The following SLC22A15 variants were observed in gnomAD, a reference collection of about 807,000 sequenced individuals.
The protein encoded by SLC22A15 is solute carrier family 22 member 15.
In SLC22A15, 45 loss-of-function variants were observed where a neutral mutation model predicts 62.7. The observed-to-expected ratio is 0.72, with a 90% CI of 0.56 to 0.92. SLC22A15 has a LOEUF of 0.92. SLC22A15 is among the 40% of genes least tolerant of loss of function. The pLI, the probability that SLC22A15 is intolerant of heterozygous loss-of-function variation, is 0.00. For synonymous variants in SLC22A15, 264 were observed against 267.0 expected (o/e 0.99, Z 0.11); for missense variants, 622 against 665.6 (o/e 0.93, Z 0.72).
intron 1 of SLC22A15, among the ~76,000 whole-genome samples, chr1:115,985,036 A>C (rs1395403074): frequency 6.6e-6 from 1 of 152,194 alleles, no homozygotes; most frequent in African/African-American, 2.4e-5. Context: ...TAATTAAAAA[A>C]ATAAATTTAG....
intron 8 of SLC22A15, among the ~76,000 whole-genome samples, chr1:116,046,326 G>A (rs552924372): frequency 1.3e-5 from 2 of 152,134 alleles, no homozygotes; most frequent in African/African-American, 4.8e-5. Flanking sequence ...ACACAAACTG[G>A]GAGAAAATAT....
intron 1 of SLC22A15, among the ~76,000 whole-genome samples, chr1:115,982,239 C>T (rs1028827857): frequency 5.3e-5 from 8 of 152,138 alleles, no homozygotes; most frequent in African/African-American, 1.9e-4. Flanking sequence ...TGATATCTGC[C>T]TTCATGGGAC....
Position 116,067,212 on chromosome 1 carries a change from G to A in SLC22A15, c.*104G>A, listed in dbSNP as rs3748741. 0.087 allele frequency: 74,479 copies of A among 853,842 alleles called. 3,692 individuals are homozygous for A. Among genetic ancestry groups the A allele is most frequent in the African/African-American group, 0.15 (9,130 of 59,074 alleles). The allele number at this position is 853,842 out of a possible 1,614,324, so 52.9% of individuals were successfully genotyped here. A position where few individuals can be genotyped will look rare whatever the true frequency, so the allele number is the denominator to read the frequency against. The stretch of plus-strand genomic sequence containing the variant: ...AGAGAGTTGTAAAAATAGAGGCTTG[G>A]CTTGAATGTACATAGATGGTACCTG... On this transcript the variant is annotated 3_prime_UTR_variant, in exon 12 of 12. Transcript: ENST00000369503.
intron 8 of SLC22A15, among the ~76,000 whole-genome samples, chr1:116,058,236 T>C (rs1658276383): frequency 6.6e-6 from 1 of 152,036 alleles, no homozygotes; most frequent in Non-Finnish European, 1.5e-5. Context: ...AGGACTAATA[T>C]TCAGAATCTA....
At chr1:116,064,183 T>C (rs1658444142) in intron 9 of SLC22A15, among the ~76,000 whole-genome samples, 1 of 152,128 alleles carries the variant, frequency 6.6e-6, no homozygotes, top group Admixed American at 6.6e-5. Context: ...AAACATTCAG[T>C]TCTTCATCCT....
At chr1:116,066,972 A>C (rs377266432) in intron 11 of SLC22A15, 47 bp from the exon 12 acceptor site, 3 of 1,464,702 alleles carry the variant, frequency 2.0e-6, no homozygotes, top group Non-Finnish European at 2.8e-6. Context: ...CCATTTCAGA[A>C]ATGTCATAAC....
intron 1 of SLC22A15, among the ~76,000 whole-genome samples, chr1:115,978,780 AT>A (rs1654451075): frequency 6.6e-6 from 1 of 152,146 alleles, no homozygotes; most frequent in African/African-American, 2.4e-5. Flanking sequence ...GTGGAGTCCC[AT>A]TGCTCAGTTG....
At chr1:115,989,460 G>A (rs1206513797) in intron 1 of SLC22A15, among the ~76,000 whole-genome samples, 3 of 152,128 alleles carry the variant, frequency 2.0e-5, no homozygotes, top group Non-Finnish European at 4.4e-5. Flanking sequence ...CTGTAAGGTT[G>A]CTTATCCTAG....
intron 8 of SLC22A15, among the ~76,000 whole-genome samples, chr1:116,061,978 G>T (rs1299870240): frequency 2.0e-5 from 3 of 152,148 alleles, no homozygotes; most frequent in Admixed American, 6.5e-5. Context: ...GAAGGCTGAG[G>T]CAGGTGGATC....
At position 115,980,368 on chromosome 1, in the gene SLC22A15, A is replaced by G. The variant is rs113932721; in HGVS notation, c.87+3654A>G. Among the ~76,000 whole-genome samples the G allele has an allele frequency of 1.2e-3, 176 of 152,352 alleles. 1 individual carries two copies. The highest frequency in any genetic ancestry group is 4.1e-3 in the African/African-American group (169 of 41,576). On this transcript the variant is annotated intron_variant, in intron 1 of 11. Transcript: ENST00000369503. Reference sequence around the variant, plus strand: ...CCCACATTGTCCCTTGAGCACGTGCATAGGGAGATATGTGTAAGATGTTTA... The same window carrying G: ...CCCACATTGTCCCTTGAGCACGTGCGTAGGGAGATATGTGTAAGATGTTTA...
rs771409875 is a variant in SLC22A15 at position 115,976,606 on chromosome 1, G to C, written c.-22G>C. On this transcript the variant is annotated 5_prime_UTR_variant, in exon 1 of 12. Coordinates refer to ENST00000369503, the MANE Select transcript of SLC22A15 (RefSeq NM_018420.3). ...CGCCTGAGAGGGCGGTGGGGTGGCG[G>C]GGTTCCTGCGCGCGGCCCGCCATGG... The C allele has an allele frequency of 6.4e-7, 1 of 1,551,806 alleles. No homozygotes were observed. Among genetic ancestry groups the C allele is most frequent in the Non-Finnish European group, 8.7e-7 (1 of 1,151,618 alleles).
At chr1:116,045,882 A>G (rs1434859328) in intron 8 of SLC22A15, among the ~76,000 whole-genome samples, 1 of 151,682 alleles carries the variant, frequency 6.6e-6, no homozygotes, top group East Asian at 1.9e-4. Context: ...TTTTTTTTTG[A>G]CAGAGCTGAG....
At position 115,978,191 on chromosome 1, in the gene SLC22A15, A is replaced by G. The variant is rs184394349; in HGVS notation, c.87+1477A>G. The stretch of plus-strand genomic sequence containing the variant: ...CATACATCCTTTCTTGAACAATCCC[A>G]GCTCCCCATCCCTCTATCCCTACCC... On this transcript the variant is annotated intron_variant, in intron 1 of 11. Coordinates refer to ENST00000369503, the MANE Select transcript of SLC22A15 (RefSeq NM_018420.3). Among the ~76,000 whole-genome samples the G allele has an allele frequency of 1.3e-4, 20 of 152,188 alleles. No individual in the cohort carries two copies. In the East Asian group the frequency reaches 3.7e-3, roughly 28 times the overall value.
intron 8 of SLC22A15, among the ~76,000 whole-genome samples, chr1:116,048,467 T>G (rs1657979822): frequency 6.6e-6 from 1 of 152,206 alleles, no homozygotes; most frequent in Non-Finnish European, 1.5e-5. Context: ...GCCAAGAATT[T>G]TGTATCCAGT....
At position 115,979,303 on chromosome 1, in the gene SLC22A15, C is replaced by T. The variant is rs1620613; in HGVS notation, c.87+2589C>T. On this transcript the variant is annotated intron_variant, in intron 1 of 11. Coordinates refer to ENST00000369503, the MANE Select transcript of SLC22A15 (RefSeq NM_018420.3). ...GTTTCCTTTGGCTAGGAGACTTGCC[C>T]TCATACTCCTTGCAAACACAATTTT... Among the ~76,000 whole-genome samples the T allele has an allele frequency of 2.9e-3, 435 of 152,224 alleles. 8 individuals are homozygous for T. Among genetic ancestry groups the T allele is most frequent in the Non-Finnish European group, 7.1e-4 (48 of 68,012 alleles).
chr1:116,029,493 C>T (rs78205964), intron 5 of SLC22A15, among the ~76,000 whole-genome samples: 2,906 of 152,228 alleles, frequency 0.019, 36 homozygotes, highest in Non-Finnish European at 0.032. Context: ...CTGTTTTGTA[C>T]GTATAATCTG....
intron 10 of SLC22A15, among the ~76,000 whole-genome samples, chr1:116,064,802 C>T (rs1208971399): frequency 6.6e-6 from 1 of 152,076 alleles, no homozygotes; most frequent in Admixed American, 6.6e-5. Context: ...GTATGTATGA[C>T]ACTTCTGCTG....
chr1:116,034,395 G>A (rs956619912), intron 6 of SLC22A15, among the ~76,000 whole-genome samples: 6 of 152,104 alleles, frequency 3.9e-5, no homozygotes, highest in Admixed American at 2.0e-4. Context: ...TTGGCACTTG[G>A]CTTCCTCAGC....
At chr1:115,980,690 C>T (rs1047388281) in intron 1 of SLC22A15, among the ~76,000 whole-genome samples, 14 of 152,076 alleles carry the variant, frequency 9.2e-5, no homozygotes, top group African/African-American at 3.1e-4. Flanking sequence ...GTAGAAAGAT[C>T]CACACCCAAT....
Sources: allele counts gnomAD v4.1 joint callset (sites outside exome capture counted in the v4.1 genomes callset), GRCh38; gene constraint gnomAD v4.1.1; transcripts MANE v1.5; gene names NCBI Gene and HGNC (gene_info 2026-07-23, HGNC 2026-07-21).